ELMO2: variants seen among roughly 807,000 people sequenced by gnomAD.
ELMO2 encodes the protein engulfment and cell motility 2, also known as engulfment and cell motility protein 2.
In ELMO2, 37 loss-of-function variants were observed where a neutral mutation model predicts 96.2. That is an observed-to-expected ratio of 0.38 (90% confidence interval 0.30 to 0.51). The LOEUF (loss-of-function observed/expected upper bound fraction) is 0.51, where lower values mean the gene tolerates loss of function less well. Ranked by LOEUF, ELMO2 falls within the 20% of genes least tolerant of loss-of-function variation. ELMO2 has a pLI of 0.88. For missense variants in ELMO2, 561 were observed against 912.6 expected (o/e 0.61, Z 4.96); for synonymous variants, 315 against 329.4 (o/e 0.96, Z 0.47).
chr20:46,376,845 C>T (rs1330869352), intron 11 of ELMO2: 3 of 1,247,720 alleles, frequency 2.4e-6, no homozygotes, highest in East Asian at 5.8e-5. Context: ...ATAGCAGCCA[C>T]TAGCCATATG....
intron 6 of ELMO2, among the ~76,000 whole-genome samples, chr20:46,391,460 T>C (rs1386346455): frequency 1.3e-5 from 2 of 152,216 alleles, no homozygotes; most frequent in Non-Finnish European, 2.9e-5. Context: ...CTGGCTGATA[T>C]CACTTCATAC....
Position 46,394,443 on chromosome 20 carries a change from A to G in ELMO2, c.40T>C (p.Trp14Arg), listed in dbSNP as rs1334813316. ...AGGAGCTGGGCGTTAGCACCTGGCC[A>G]CTCAATGGCCACTTTGACAATGTCT... is the stretch of plus-strand genomic sequence containing the variant. ...PSDIVKVAIE[W>R]PGANAQLLEI... Residue 14 changes from tryptophan (W) to arginine (R), a missense_variant, in exon 3 of 22, where the codon TGG becomes CGG. Transcript: ENST00000290246. 1 of 1,613,994 alleles carries G rather than the reference A, an allele frequency of 6.2e-7. No homozygotes were observed. The highest frequency in any genetic ancestry group is 1.3e-5 in the African/African-American group (1 of 74,876).
At position 46,375,846 on chromosome 20, in the gene ELMO2, G is replaced by C. The variant is rs776458687; in HGVS notation, c.808-56C>G. On this transcript the variant is annotated intron_variant, in intron 11 of 21. Transcript: ENST00000290246. The surrounding 1 kb of genome is among the most constrained non-coding windows in gnomAD (Gnocchi z 4.6). The stretch of plus-strand genomic sequence containing the variant: ...CTGAACTGATCTCTTTTAATGAAGG[G>C]CCACATCCATGCTAAGGAAAAGGAA... 26 of 1,605,614 alleles carry C rather than the reference G, an allele frequency of 1.6e-5. No homozygotes were observed. Among genetic ancestry groups the C allele is most frequent in the Non-Finnish European group, 2.2e-5 (26 of 1,174,348 alleles).
chr20:46,395,820 T>C (rs960448010), intron 2 of ELMO2, among the ~76,000 whole-genome samples: 1 of 152,230 alleles, frequency 6.6e-6, no homozygotes, highest in Non-Finnish European at 1.5e-5. Context: ...GTTTTCCAAG[T>C]GCTTTCACTT....
intron 1 of ELMO2, among the ~76,000 whole-genome samples, chr20:46,405,555 A>C (rs1409599704): frequency 2.0e-5 from 3 of 151,742 alleles, no homozygotes; most frequent in Non-Finnish European, 4.4e-5. Flanking sequence ...AAGGGGTGGG[A>C]CGCCGGGCCA....
chr20:46,370,231 A>T (rs2059674586), intron 20 of ELMO2: 1 of 677,338 alleles, frequency 1.5e-6, no homozygotes, highest in East Asian at 2.8e-5. Flanking sequence ...AAAGGAGAGA[A>T]ACAAGTGGAT....
chr20:46,374,261 T>C, intron 15 of ELMO2, 71 bp downstream of exon 15: 1 of 1,301,570 alleles, frequency 7.7e-7, no homozygotes, highest in Admixed American at 1.7e-5. Flanking sequence ...TGTAACTGTT[T>C]ATAATTTTGA....
chr20:46,367,302 G>A lies in ELMO2; in HGVS notation c.*58C>T. The A allele has an allele frequency of 7.3e-7, 1 of 1,377,204 alleles. No individual in the cohort carries two copies. 85.3% of individuals were successfully genotyped at this position (1,377,204 alleles called of 1,614,324 possible). A position where few individuals can be genotyped will look rare whatever the true frequency, so the allele number is the denominator to read the frequency against. On this transcript the variant is annotated 3_prime_UTR_variant, in exon 22 of 22. Transcript: ENST00000290246. ...CAAAAGACAAGGCACCAGAATGTAA[G>A]TGTTTCTCCTGGGCCCAAAATCCCT... is the stretch of plus-strand genomic sequence containing the variant.
intron 8 of ELMO2, 69 bp from the exon 9 acceptor site, chr20:46,386,344 TG>T: frequency 6.3e-7 from 1 of 1,579,100 alleles, no homozygotes; most frequent in Admixed American, 1.7e-5. Context: ...TAGCATCTGA[TG>T]CTAGCCCTTG....
intron 5 of ELMO2, 130 bp from the exon 6 acceptor site, chr20:46,393,273 C>T: frequency 2.0e-6 from 2 of 981,544 alleles, no homozygotes; most frequent in Non-Finnish European, 3.1e-6. Context: ...GTCGGGCCCT[C>T]TTCTCCTGCT....
chr20:46,375,782 G>A lies in ELMO2; in HGVS notation c.816C>T (p.Ile272=). ...CAGTTTTGATGGGGCGGTTCCCTCG[G>A]ATCACATGCTAGAAAAAGCACAGGC... The part of the protein sequence containing the change: ...HLRSIILNHV[I]RGNRPIKTEM... Residue 272 remains isoleucine, a synonymous_variant, in exon 12 of 22, where the codon ATC becomes ATT. Coordinates refer to ENST00000290246, the MANE Select transcript of ELMO2 (RefSeq NM_133171.5). The surrounding 1 kb of genome is among the most constrained non-coding windows in gnomAD (Gnocchi z 4.6). 6.2e-7 allele frequency: 1 copy of A among 1,614,166 alleles called. No homozygotes were observed. Among genetic ancestry groups the A allele is most frequent in the South Asian group, 1.1e-5 (1 of 91,086 alleles).
At chr20:46,372,903 CA>C (rs2059755312) in intron 16 of ELMO2, 1 of 152,460 alleles carries the variant, frequency 6.6e-6, no homozygotes. Context: ...TGATCAACTT[CA>C]AAACACTCGA....
Position 46,367,246 on chromosome 20 carries a change from G to T in ELMO2, c.*114C>A. 1 of 1,060,860 alleles carries T rather than the reference G, an allele frequency of 9.4e-7. No homozygotes were observed. Among genetic ancestry groups the T allele is most frequent in the Non-Finnish European group, 1.3e-6 (1 of 779,410 alleles). The allele number at this position is 1,060,860 out of a possible 1,614,324, so 65.7% of individuals were successfully genotyped here. A position where few individuals can be genotyped will look rare whatever the true frequency, so the allele number is the denominator to read the frequency against. On this transcript the variant is annotated 3_prime_UTR_variant, in exon 22 of 22. Transcript: ENST00000290246. ...TTTGAGAAATGGCTGGCATTTACTG[G>T]CCACCAAAATCACTACAGATTCTGT...
Position 46,371,979 on chromosome 20 carries a change from G to A in ELMO2, c.1417-10C>T. On this transcript the variant is annotated splice_polypyrimidine_tract_variant and intron_variant, in intron 16 of 21. Transcript: ENST00000290246. This position sits in a 1 kb window ranked among gnomAD's most constrained non-coding sequence, Gnocchi z 5.9. ...GGACGACTTGCATAACCTAAGAGGA[G>A]AAGAACCCAGCCAACTCACACCACT... 6 of 1,613,296 alleles carry A rather than the reference G, an allele frequency of 3.7e-6. No homozygotes were observed. Among genetic ancestry groups the A allele is most frequent in the South Asian group, 1.1e-5 (1 of 91,040 alleles).
chr20:46,400,070 C>T (rs566058238), intron 1 of ELMO2, among the ~76,000 whole-genome samples: 6 of 152,192 alleles, frequency 3.9e-5, no homozygotes, highest in Admixed American at 3.3e-4. Context: ...CCCAGGAGTT[C>T]GAGGCTGCAG....
intron 6 of ELMO2, among the ~76,000 whole-genome samples, chr20:46,391,198 G>A (rs1322132131): frequency 3.3e-5 from 5 of 152,192 alleles, no homozygotes; most frequent in African/African-American, 1.2e-4. Flanking sequence ...GAAGAGTTCA[G>A]GAGAAGAGGG....
chr20:46,384,508 A>T (rs77029912), intron 9 of ELMO2, among the ~76,000 whole-genome samples: 4 of 151,640 alleles, frequency 2.6e-5, no homozygotes, highest in Non-Finnish European at 4.4e-5. Flanking sequence ...ATGTTCCCCT[A>T]TCATCCCTAG....
intron 9 of ELMO2, among the ~76,000 whole-genome samples, chr20:46,384,970 G>A (rs1600854415): frequency 6.6e-6 from 1 of 152,098 alleles, no homozygotes; most frequent in East Asian, 1.9e-4. Flanking sequence ...GAAAAGCAAA[G>A]AAAGCTGAGG....
rs917916910 is a variant in ELMO2 at position 46,375,628 on chromosome 20, C to T, written c.930+40G>A. The T allele has an allele frequency of 1.9e-6, 3 of 1,613,398 alleles. No individual in the cohort carries two copies. Among genetic ancestry groups the T allele is most frequent in the South Asian group, 2.2e-5 (2 of 91,018 alleles). On this transcript the variant is annotated intron_variant, in intron 12 of 21. Transcript: ENST00000290246. The surrounding 1 kb of genome is among the most constrained non-coding windows in gnomAD (Gnocchi z 4.6). ...GCACATAGACTAAGGCTGGACTGCA[C>T]CACAGCCATGAGAAAACAGCTGCCC...
Sources: allele counts gnomAD v4.1 joint callset (sites outside exome capture counted in the v4.1 genomes callset), GRCh38; gene constraint gnomAD v4.1.1; non-coding constraint Gnocchi (gnomAD v3.1); transcripts MANE v1.5; gene names NCBI Gene and HGNC (gene_info 2026-07-23, HGNC 2026-07-21).